The following NPAT variants were observed in gnomAD, a reference collection of about 807,000 sequenced individuals.
NPAT encodes nuclear protein, coactivator of histone transcription.
Under a neutral mutation model 130.7 loss-of-function variants are expected in NPAT, and 52 were observed. The observed-to-expected ratio is 0.40, with a 90% confidence interval of 0.32 to 0.50. The LOEUF is 0.50. Ranked by LOEUF, NPAT falls within the 20% of genes least tolerant of loss-of-function variation. The pLI is 0.68. For missense variants in NPAT, 1,687 were observed against 1,662.6 expected (o/e 1.01, Z -0.26); for synonymous variants, 580 against 584.8 (o/e 0.99, Z 0.12).
intron 7 of NPAT, among the ~76,000 whole-genome samples, chr11:108,187,160 C>A (rs1045747453): frequency 2.0e-5 from 3 of 152,024 alleles, no homozygotes; most frequent in Non-Finnish European, 4.4e-5. Flanking sequence ...ATTAATGTTG[C>A]TCTTTTATGG....
intron 1 of NPAT, among the ~76,000 whole-genome samples, chr11:108,202,967 G>A (rs1042490950): frequency 2.0e-5 from 3 of 152,136 alleles, no homozygotes; most frequent in East Asian, 1.9e-4. Flanking sequence ...GCTGTCACCC[G>A]GGGGTCTCAA....
At chr11:108,172,122 C>T (rs767249552) in intron 13 of NPAT, 77 bp downstream of exon 13, 2 of 1,212,946 alleles carry the variant, frequency 1.6e-6, no homozygotes, top group African/African-American at 1.5e-5. Context: ...TATTACTTCG[C>T]AGTCAATAAC....
In NPAT at chr11:108,172,982, C is replaced by A. The variant is rs764367529; in HGVS notation, c.2002G>T (p.Glu668Ter). The change falls in exon 13 of 18, where the codon GAA (glutamate) becomes TAA (stop). Residue 668 changes from glutamate (E) to a stop codon, truncating the protein, a stop_gained. Transcript: ENST00000278612. LOFTEE classifies it high-confidence loss of function. ...AAAGAGAGAAAAATAGTATTCTCTT[C>A]TTTTACAGAAGATGAAGGCTCCTGT... ...NSQEPSSSVK[E>*]ENTIFLSLGG... 1 of 1,613,972 alleles carries A rather than the reference C, an allele frequency of 6.2e-7. No homozygotes were observed. Among genetic ancestry groups the A allele is most frequent in the African/African-American group, 1.3e-5 (1 of 74,934 alleles).
chr11:108,213,683 C>T (rs769458819), intron 1 of NPAT, among the ~76,000 whole-genome samples: 1 of 152,132 alleles, frequency 6.6e-6, no homozygotes, highest in Non-Finnish European at 1.5e-5. Flanking sequence ...TACAAGGGGG[C>T]TGGAATAGCC....
rs1290396569 is a variant in NPAT, at chr11:108,161,642, C to A, written c.3444G>T (p.Lys1148Asn). The A allele has an allele frequency of 3.7e-6, 6 of 1,613,902 alleles. No homozygotes were observed. The South Asian group carries it at 4.4e-5, about 12-fold the overall frequency. The change falls in exon 17 of 18, where the codon AAG (lysine) becomes AAT (asparagine). Residue 1148 changes from lysine to asparagine, a missense_variant. This residue lies in a region of NPAT where 1,379 missense variants were observed against 1,346.6 expected (regional missense o/e 1.02). Transcript: ENST00000278612. ...GCACAATTTCTGTTGGTGAAACTTTCTTTTCTGATTGAGTTTCTCTTATGG... is the reference window on the plus strand; with the variant it reads ...GCACAATTTCTGTTGGTGAAACTTTATTTTCTGATTGAGTTTCTCTTATGG... ...HTTIRETQSE[K>N]KVSPTEIVLE...
In NPAT at chr11:108,173,194, T is replaced by C. The variant is rs747178909; in HGVS notation, c.1790A>G (p.Asp597Gly). 1.9e-6 allele frequency: 3 copies of C among 1,613,840 alleles called. No homozygotes were observed. Among genetic ancestry groups the C allele is most frequent in the Non-Finnish European group, 8.5e-7 (1 of 1,179,940 alleles). Residue 597 changes from aspartate (D) to glycine (G), a missense_variant, in exon 13 of 18, where the codon GAT (aspartate) becomes GGT (glycine). Transcript: ENST00000278612. ...PVMSQLSNCQ[D>G]NSCLQSEILP... ...TATTTCACTTTGAAGACAAGAATTATCTTGGCAATTTGATAGCTGTGACAT... is the reference window on the plus strand; with the variant it reads ...TATTTCACTTTGAAGACAAGAATTACCTTGGCAATTTGATAGCTGTGACAT...
intron 15 of NPAT, among the ~76,000 whole-genome samples, chr11:108,168,539 T>G (rs1420587533): frequency 6.6e-6 from 1 of 152,182 alleles, no homozygotes; most frequent in Non-Finnish European, 1.5e-5. Context: ...GTTCTCTGTA[T>G]AATGAGTGCA....
chr11:108,176,809 C>T (rs535689830), intron 11 of NPAT, among the ~76,000 whole-genome samples, 185 bp downstream of exon 11: 1 of 152,326 alleles, frequency 6.6e-6, no homozygotes, highest in African/African-American at 2.4e-5. Flanking sequence ...TCCACTTTAA[C>T]AGCTAAAGTT....
chr11:108,161,445 G>T lies in NPAT; in HGVS notation c.3641C>A (p.Ser1214Tyr). Reference sequence around the variant, plus strand: ...TGAAAGTACATTTTTATTGTTTGAAGATGTGCCTTGTTTTTTGGTCATTTC... The same window carrying T: ...TGAAAGTACATTTTTATTGTTTGAATATGTGCCTTGTTTTTTGGTCATTTC... ...LQEMTKKQGT[S>Y]SNNKNVLSVG... Residue 1214 changes from serine (S) to tyrosine (Y), a missense_variant, in exon 17 of 18, where the codon TCT (serine) becomes TAT (tyrosine). Ser to Tyr is a moderately radical substitution (Grantham distance 144). Around this residue, in one of 3 missense-constraint regions of NPAT, gnomAD observed 1,379 missense variants for 1,346.6 expected, o/e 1.02. Transcript: ENST00000278612. 1 of 1,614,162 alleles carries T rather than the reference G, an allele frequency of 6.2e-7. No homozygotes were observed. Among genetic ancestry groups the T allele is most frequent in the Non-Finnish European group, 8.5e-7 (1 of 1,180,012 alleles).
chr11:108,184,418 C>A (rs943457982), intron 10 of NPAT, among the ~76,000 whole-genome samples: 1 of 150,954 alleles, frequency 6.6e-6, no homozygotes, highest in Non-Finnish European at 1.5e-5. Context: ...CTTGCAGTGA[C>A]CTGACATTGT....
intron 12 of NPAT, among the ~76,000 whole-genome samples, chr11:108,174,807 C>G (rs1236278305): frequency 6.6e-6 from 1 of 151,828 alleles, no homozygotes; most frequent in African/African-American, 2.4e-5. Context: ...TTAGTAGAGG[C>G]GCGGTTTCAC....
At chr11:108,188,342 T>C (rs571392686) in intron 6 of NPAT, among the ~76,000 whole-genome samples, 163 bp from the exon 7 acceptor site, 1 of 152,298 alleles carries the variant, frequency 6.6e-6, no homozygotes, top group African/African-American at 2.4e-5. Flanking sequence ...CTAAGATTAA[T>C]AAAATACAGT....
chr11:108,222,402 C>G, intron 1 of NPAT, 98 bp downstream of exon 1: 2 of 1,334,126 alleles, frequency 1.5e-6, no homozygotes, highest in Non-Finnish European at 2.1e-6. Context: ...GAGGCAAAAC[C>G]CCAAAGCTTC....
Position 108,206,508 on chromosome 11 carries a change from T to C in NPAT, c.38-9088A>G, listed in dbSNP as rs58939981. Among the ~76,000 whole-genome samples, 895 of 152,232 alleles carry C rather than the reference T, an allele frequency of 5.9e-3. 8 individuals carry two copies. Among genetic ancestry groups the C allele is most frequent in the African/African-American group, 0.018 (727 of 41,534 alleles). Reference sequence around the variant, plus strand: ...TGTGAGGTTGCATCTGGATCAGACATACCACAGTGGCTTCCACTGTGGGTA... The same window carrying C: ...TGTGAGGTTGCATCTGGATCAGACACACCACAGTGGCTTCCACTGTGGGTA... On this transcript the variant is annotated intron_variant, in intron 1 of 17. Transcript: ENST00000278612.
intron 1 of NPAT, among the ~76,000 whole-genome samples, chr11:108,201,962 T>G (rs1445528247): frequency 1.3e-5 from 2 of 152,112 alleles, no homozygotes; most frequent in Admixed American, 1.3e-4. Flanking sequence ...AGTTCTTTTG[T>G]GGAATAAGGG....
intron 2 of NPAT, among the ~76,000 whole-genome samples, chr11:108,196,551 C>T (rs933702058): frequency 6.6e-6 from 1 of 152,168 alleles, no homozygotes; most frequent in African/African-American, 2.4e-5. Context: ...TATTGAGTCT[C>T]TCAATTTGTA....
In NPAT at chr11:108,173,587, T is replaced by A; in HGVS notation, c.1397A>T (p.His466Leu). Residue 466 changes from histidine to leucine, a missense_variant, in exon 13 of 18, where the codon CAT becomes CTT. Coordinates refer to ENST00000278612, the MANE Select transcript of NPAT (RefSeq NM_002519.3). ...RGNSNAECNP[H>L]CAELYTNQMS... Reference sequence around the variant, plus strand: ...CTGATTGGTGTATAATTCAGCACAATGTGGATTACATTCAGCATTAGAATT... The same window carrying A: ...CTGATTGGTGTATAATTCAGCACAAAGTGGATTACATTCAGCATTAGAATT... 1.9e-6 allele frequency: 3 copies of A among 1,614,206 alleles called. No homozygotes were observed. The South Asian group carries it at 3.3e-5, about 18-fold the overall frequency.
At chr11:108,212,147 A>G (rs1434624472) in intron 1 of NPAT, among the ~76,000 whole-genome samples, 1 of 152,098 alleles carries the variant, frequency 6.6e-6, no homozygotes, top group Non-Finnish European at 1.5e-5. Context: ...AGATCAGGGA[A>G]AAGGTAAGAA....
intron 2 of NPAT, 71 bp from the exon 3 acceptor site, chr11:108,194,088 C>A: frequency 1.2e-6 from 1 of 843,114 alleles, no homozygotes; most frequent in Non-Finnish European, 2.0e-6. Context: ...AGAAAAGATT[C>A]TACCATTCAA....
Sources: gnomAD v4.1 joint callset for allele counts (sites outside exome capture counted in the v4.1 genomes callset) on GRCh38, gnomAD v4.1.1 for gene constraint, gnomAD v4.1.1 regional missense constraint, MANE v1.5 for transcripts, NCBI Gene and HGNC (gene_info 2026-07-23, HGNC 2026-07-21) for gene names.